PSMG2: variants seen among roughly 807,000 people sequenced by gnomAD.
PSMG2 encodes the protein proteasome assembly chaperone 2.
A neutral mutation model predicts 31.5 loss-of-function variants in PSMG2; 21 were observed. That is an observed-to-expected ratio of 0.67 (90% CI 0.47 to 0.96). PSMG2 has a LOEUF of 0.96. Ranked by LOEUF, PSMG2 falls within the 40% of genes least tolerant of loss-of-function variation. The pLI is 0.00. For missense variants in PSMG2, 318 were observed against 321.2 expected (o/e 0.99, Z 0.08); for synonymous variants, 120 against 110.4 (o/e 1.09, Z -0.54).
At chr18:12,702,610 C>T (rs1300127399), upstream of PSMG2, 91 of 1,547,974 alleles carry the variant, frequency 5.9e-5, 2 homozygotes, top group South Asian at 6.3e-4. Flanking sequence ...TGCGCGGCCC[C>T]GGCCGGGCCA....
In PSMG2 at chr18:12,695,609, CTA is replaced by C. The variant is rs547531968; in HGVS notation, c.-36-10939_-36-10938del. The stretch of plus-strand genomic sequence containing the variant: ...TTCTTTAAGTAGAGATGGGGTCTCC[CTA>C]TGTTATTCAGGTTGGTCTTAAACTC... On this transcript the variant is annotated intron_variant, in intron 1 of 6. Coordinates refer to the PSMG2 transcript ENST00000585331. Among the ~76,000 whole-genome samples, 370 of 152,014 alleles carry C rather than the reference CTA, an allele frequency of 2.4e-3. 3 individuals are homozygous for C. Among genetic ancestry groups the C allele is most frequent in the South Asian group, 0.014 (69 of 4,814 alleles).
upstream of PSMG2, chr18:12,702,919 CCA>C: frequency 1.6e-6 from 1 of 631,976 alleles, no homozygotes; most frequent in Non-Finnish European, 2.6e-6. Context: ...CTCTTCGCGG[CCA>C]CCCGGCGGCC....
intron 4 of PSMG2, among the ~76,000 whole-genome samples, chr18:12,718,885 G>A (rs141262817): frequency 6.6e-5 from 10 of 152,194 alleles, no homozygotes; most frequent in African/African-American, 2.4e-4. Context: ...TGGGAACCAT[G>A]TTTTTAGTGT....
chr18:12,698,935 CAA>C (rs1373177510), upstream of PSMG2: 1 of 1,333,172 alleles, frequency 7.5e-7, no homozygotes, highest in Admixed American at 2.0e-5. Context: ...TAAAACATAA[CAA>C]AGATTTACTC....
At chr18:12,699,203 G>A (rs751659357), upstream of PSMG2, 4 of 1,599,584 alleles carry the variant, frequency 2.5e-6, no homozygotes, top group Non-Finnish European at 3.4e-6. Context: ...ATCAATATTA[G>A]CTGTAAAGTG....
intron 4 of PSMG2, among the ~76,000 whole-genome samples, chr18:12,719,214 A>G (rs562659748): frequency 6.6e-6 from 1 of 152,034 alleles, no homozygotes; most frequent in Non-Finnish European, 1.5e-5. Flanking sequence ...ACCTGGCCAC[A>G]TGCAACCATT....
intron 1 of PSMG2, among the ~76,000 whole-genome samples, chr18:12,692,949 A>T (rs2039821174): frequency 6.6e-6 from 1 of 152,140 alleles, no homozygotes; most frequent in Non-Finnish European, 1.5e-5. Flanking sequence ...CAGCCTCCCC[A>T]GTAGCTGGGA....
At chr18:12,691,602 T>C (rs1307900958) in intron 1 of PSMG2, 4 of 698,284 alleles carry the variant, frequency 5.7e-6, no homozygotes, top group Non-Finnish European at 9.1e-6. Flanking sequence ...TGAGTCATCA[T>C]CATCTTCTAT....
intron 1 of PSMG2, among the ~76,000 whole-genome samples, chr18:12,668,049 G>A (rs2038841236): frequency 6.6e-6 from 1 of 151,896 alleles, no homozygotes; most frequent in African/African-American, 2.4e-5. Flanking sequence ...CGTATCACCT[G>A]AGGTCAGGAG....
At chr18:12,673,582 T>A in intron 1 of PSMG2, 3 of 1,246,024 alleles carry the variant, frequency 2.4e-6, no homozygotes, top group East Asian at 2.7e-5. Flanking sequence ...AATCAGTATT[T>A]AAAATAATTT....
At chr18:12,659,172 A>G (rs2038643049) in intron 1 of PSMG2, among the ~76,000 whole-genome samples, 1 of 152,226 alleles carries the variant, frequency 6.6e-6, no homozygotes, top group Non-Finnish European at 1.5e-5. Flanking sequence ...CCAAATAGGC[A>G]ATGTATATTA....
intron 1 of PSMG2, among the ~76,000 whole-genome samples, chr18:12,696,653 C>G (rs1463286104): frequency 6.6e-6 from 1 of 152,008 alleles, no homozygotes; most frequent in Non-Finnish European, 1.5e-5. Flanking sequence ...ATTTTATTAG[C>G]AAGTATGTGT....
At chr18:12,661,304 A>T (rs985378198) in intron 1 of PSMG2, 2 of 914,832 alleles carry the variant, frequency 2.2e-6, no homozygotes, top group Non-Finnish European at 2.6e-6. Flanking sequence ...GTGAGCCTTC[A>T]TCTCAAAAAA....
chr18:12,659,634 C>T (rs1410213197), intron 1 of PSMG2, among the ~76,000 whole-genome samples: 1 of 152,108 alleles, frequency 6.6e-6, no homozygotes, highest in African/African-American at 2.4e-5. Flanking sequence ...CACACCACTG[C>T]ACTCCAGCCT....
upstream of PSMG2, chr18:12,701,252 G>T: frequency 1.6e-6 from 1 of 626,316 alleles, no homozygotes; most frequent in Non-Finnish European, 2.7e-6. Flanking sequence ...AGCTTTTAAA[G>T]AATGAATCTT....
At chr18:12,680,758 C>G (rs769810501) in intron 1 of PSMG2, 4 of 1,613,746 alleles carry the variant, frequency 2.5e-6, no homozygotes, top group Non-Finnish European at 3.4e-6. Flanking sequence ...GGTCCCAACA[C>G]AAACAAAGGC....
chr18:12,699,200 T>A, upstream of PSMG2: 15 of 1,607,866 alleles, frequency 9.3e-6, no homozygotes, highest in Non-Finnish European at 1.3e-5. Flanking sequence ...TGGATCAATA[T>A]TAGCTGTAAA....
chr18:12,706,620 A>T lies in PSMG2; in HGVS notation c.128A>T (p.Lys43Met). The T allele has an allele frequency of 6.2e-7, 1 of 1,614,176 alleles. No homozygotes were observed. Among genetic ancestry groups the T allele is most frequent in the South Asian group, 1.1e-5 (1 of 91,070 alleles). Residue 43 changes from lysine to methionine, a missense_variant, in exon 2 of 7, where the codon AAG becomes ATG. Transcript: ENST00000317615. ...ATTATTTCTACACTGAATATGTCTA[A>T]GATTGGTTACTTCTATACCGATTGT... ...DLIISTLNMSKIGYFYTDCLV... is the reference protein window; with the variant it reads ...DLIISTLNMSMIGYFYTDCLV...
chr18:12,705,570 A>AGTGTGTGTGTGTGTGTGTGT (rs1361528977), intron 1 of PSMG2, among the ~76,000 whole-genome samples: 11 of 126,328 alleles, frequency 8.7e-5, no homozygotes, highest in Admixed American at 1.6e-4. Flanking sequence ...AGAGAGAGAG[A>AGTGTGTGTGTGTGTGTGTGT]GAGAGAGTGT....
Sources: gnomAD v4.1 joint callset for allele counts (sites outside exome capture counted in the v4.1 genomes callset) on GRCh38, gnomAD v4.1.1 for gene constraint, MANE v1.5 for transcripts, NCBI Gene and HGNC (gene_info 2026-07-23, HGNC 2026-07-21) for gene names.